IQSEC3: variants seen among roughly 807,000 people sequenced by gnomAD.
The protein encoded by IQSEC3 is IQ motif and SEC7 domain-containing protein 3.
Under a neutral mutation model 105.4 loss-of-function variants are expected in IQSEC3, and 50 were observed. The observed-to-expected ratio is 0.47, with a 90% CI of 0.38 to 0.60. IQSEC3 has a LOEUF of 0.60. Among genes scored for constraint, IQSEC3 ranks in the 20% least tolerant of loss-of-function variants. The pLI is 0.00. For synonymous variants in IQSEC3, 708 were observed against 746.0 expected (o/e 0.95, Z 0.83); for missense variants, 1,415 against 1,630.0 (o/e 0.87, Z 2.27).
rs571196859 is a variant in IQSEC3, at chr12:92,605, G to A, written c.555-6541G>A. ...CTCCTTTCTTTACTTCTCCAGCAGC[G>A]ATGGGGAGCAGCCGAGATCCGGGTC... On this transcript the variant is annotated intron_variant, in intron 1 of 13. Coordinates refer to ENST00000538872, the MANE Select transcript of IQSEC3 (RefSeq NM_001170738.2). Among the ~76,000 whole-genome samples the A allele has an allele frequency of 2.4e-3, 368 of 152,308 alleles. 2 individuals carry two copies. The highest frequency in any genetic ancestry group is 8.5e-3 in the African/African-American group (354 of 41,548).
At chr12:143,384 A>C (rs1261702657) in intron 5 of IQSEC3, 1 of 152,492 alleles carries the variant, frequency 6.6e-6, no homozygotes, top group African/African-American at 2.4e-5. Context: ...TTGGCAGGAC[A>C]CCTCTCTGGG....
In IQSEC3 at chr12:157,610, A is replaced by ATCC; in HGVS notation, c.2365_2367dup (p.Leu789dup). The ATCC allele has an allele frequency of 6.2e-7, 1 of 1,614,216 alleles. No individual in the cohort carries two copies. Among genetic ancestry groups the ATCC allele is most frequent in the Non-Finnish European group, 8.5e-7 (1 of 1,180,040 alleles). ...CATCTTCATCCTCGCCTTCGCCATC[A>ATCC]TCCTCCTCAACACCGACATGTACAG... On this transcript the variant is annotated inframe_insertion, in exon 7 of 14. Transcript: ENST00000538872.
chr12:178,249 CCT>C lies in IQSEC3; in HGVS notation c.*3217_*3218del, dbSNP rs770463917. 3.9e-5 allele frequency: 6 copies of C among 152,316 alleles called. No homozygotes were observed. The highest frequency in any genetic ancestry group is 9.6e-5 in the African/African-American group (4 of 41,552). The allele number at this position is 152,316 out of a possible 1,614,324, so 9.4% of individuals were successfully genotyped here. On this transcript the variant is annotated 3_prime_UTR_variant, in exon 14 of 14. Coordinates refer to ENST00000538872, the MANE Select transcript of IQSEC3 (RefSeq NM_001170738.2). ...CCTGATGACCATCTGTCTGTCCGTC[CCT>C]GTTTTTGCTGTACATAACTCCTGCT... is the stretch of plus-strand genomic sequence containing the variant.
chr12:115,742 T>C (rs1362754833), intron 2 of IQSEC3, among the ~76,000 whole-genome samples: 1 of 152,102 alleles, frequency 6.6e-6, no homozygotes, highest in Non-Finnish European at 1.5e-5. Context: ...AGCTAGTGAG[T>C]GGCGGGATTT....
intron 3 of IQSEC3, among the ~76,000 whole-genome samples, chr12:133,285 A>T (rs1865656396): frequency 6.6e-6 from 1 of 152,232 alleles, no homozygotes; most frequent in South Asian, 2.1e-4. Flanking sequence ...TACGGGGAAA[A>T]TTAAAACGTG....
At chr12:120,964 T>C (rs877477) in intron 2 of IQSEC3, among the ~76,000 whole-genome samples, 11,192 of 152,214 alleles carry the variant, frequency 0.074, 620 homozygotes, top group South Asian at 0.22. Context: ...ATACCAGCAG[T>C]GACCTCACGT....
Position 175,147 on chromosome 12 carries a change from C to A in IQSEC3, c.*114C>A. The A allele has an allele frequency of 1.2e-6, 1 of 857,602 alleles. No individual in the cohort carries two copies. Among genetic ancestry groups the A allele is most frequent in the Non-Finnish European group, 1.7e-6 (1 of 580,376 alleles). 53.1% of individuals were successfully genotyped at this position (857,602 alleles called of 1,614,324 possible). A position where few individuals can be genotyped will look rare whatever the true frequency, so the allele number is the denominator to read the frequency against. On this transcript the variant is annotated 3_prime_UTR_variant, in exon 14 of 14. Transcript: ENST00000538872. Reference sequence around the variant, plus strand: ...TGCGTTCCTGGTCACTGATCACCATCATTTTGGGAAGAGAATCCCAATCCC... The same window carrying A: ...TGCGTTCCTGGTCACTGATCACCATAATTTTGGGAAGAGAATCCCAATCCC...
intron 5 of IQSEC3, among the ~76,000 whole-genome samples, chr12:155,458 C>T (rs74055587): frequency 0.033 from 5,009 of 152,246 alleles, 185 homozygotes; most frequent in East Asian, 0.11. Flanking sequence ...GGAGAGACTC[C>T]CAGCTCCCTC....
chr12:157,217 G>A, intron 6 of IQSEC3, 70 bp downstream of exon 6: 2 of 1,453,942 alleles, frequency 1.4e-6, no homozygotes, highest in Middle Eastern at 2.0e-4. Flanking sequence ...TGTGAGCCTG[G>A]GAGACAGGAG....
intron 5 of IQSEC3, chr12:143,554 G>C (rs782482315): frequency 1.1e-4 from 18 of 159,398 alleles, no homozygotes; most frequent in Non-Finnish European, 2.4e-4. Flanking sequence ...GCAGCCCACA[G>C]GCCCCAGGGC....
At chr12:121,643 A>G (rs533040382) in intron 2 of IQSEC3, among the ~76,000 whole-genome samples, 3 of 152,156 alleles carry the variant, frequency 2.0e-5, no homozygotes, top group African/African-American at 7.2e-5. Context: ...GGCCATGGGG[A>G]ATAGTGGGAA....
In IQSEC3 at chr12:138,791, C is replaced by T. The variant is rs782024364; in HGVS notation, c.1428C>T (p.Ala476=). The T allele has an allele frequency of 5.6e-6, 9 of 1,604,356 alleles. No individual in the cohort carries two copies. The highest frequency in any genetic ancestry group is 7.6e-6 in the Non-Finnish European group (9 of 1,177,614). The change falls in exon 4 of 14, where the codon GCC becomes GCT. Residue 476 remains alanine (A), a synonymous_variant. Transcript: ENST00000538872. This position sits in a 1 kb window ranked among gnomAD's most constrained non-coding sequence, Gnocchi z 7.1. ...DAAETPGLPP[A]HSGTLMMAFR... is the part of the protein sequence containing the mutation. ...CGGAGACCCCCGGCCTGCCCCCGGC[C>T]CACAGCGGGACCCTCATGATGGCTT...
In IQSEC3 at chr12:176,156, C is replaced by T. The variant is rs928905889; in HGVS notation, c.*1123C>T. On this transcript the variant is annotated 3_prime_UTR_variant, in exon 14 of 14. Transcript: ENST00000538872. This position sits in a 1 kb window ranked among gnomAD's most constrained non-coding sequence, Gnocchi z 4.0. ...CCTCCTAGAAGGTTCTAGACCCCCCCCTTCCAGCAGGGGTGCCCAAGAGTC... is the reference window on the plus strand; with the variant it reads ...CCTCCTAGAAGGTTCTAGACCCCCCTCTTCCAGCAGGGGTGCCCAAGAGTC... 1 of 152,204 alleles carries T rather than the reference C, an allele frequency of 6.6e-6. No homozygotes were observed. Among genetic ancestry groups the T allele is most frequent in the Non-Finnish European group, 1.5e-5 (1 of 68,056 alleles). 9.4% of individuals were successfully genotyped at this position (152,204 alleles called of 1,614,324 possible). A position where few individuals can be genotyped will look rare whatever the true frequency, so the allele number is the denominator to read the frequency against.
At chr12:107,775 G>A (rs559615854) in intron 2 of IQSEC3, among the ~76,000 whole-genome samples, 1 of 152,128 alleles carries the variant, frequency 6.6e-6, no homozygotes, top group Non-Finnish European at 1.5e-5. Context: ...CCACACACTT[G>A]TTTAACAAGG....
chr12:160,176 GTTTT>G (rs34294220), intron 7 of IQSEC3, among the ~76,000 whole-genome samples: 1 of 148,500 alleles, frequency 6.7e-6, no homozygotes, highest in Non-Finnish European at 1.5e-5. Flanking sequence ...CCTTTTTTCT[GTTTT>G]TTTTTTCCCC....
At chr12:74,023 A>G (rs1407209543) in intron 1 of IQSEC3, among the ~76,000 whole-genome samples, 1 of 152,252 alleles carries the variant, frequency 6.6e-6, no homozygotes, top group Non-Finnish European at 1.5e-5. Context: ...GATCTGAGTT[A>G]TCACCCGATG....
At chr12:146,539 G>A (rs1866279341) in intron 5 of IQSEC3, among the ~76,000 whole-genome samples, 2 of 152,122 alleles carry the variant, frequency 1.3e-5, no homozygotes, top group South Asian at 2.1e-4. Flanking sequence ...CCAGCTACTC[G>A]GGAGGCCAAG....
chr12:82,714 A>T (rs1324615638), intron 1 of IQSEC3, among the ~76,000 whole-genome samples: 1 of 152,202 alleles, frequency 6.6e-6, no homozygotes, highest in African/African-American at 2.4e-5. Context: ...ATGTGTCCTA[A>T]TAACACCTTC....
At chr12:154,481 A>T (rs1866616347) in intron 5 of IQSEC3, among the ~76,000 whole-genome samples, 1 of 152,082 alleles carries the variant, frequency 6.6e-6, no homozygotes, top group Admixed American at 6.5e-5. Context: ...GCGTTCAGAA[A>T]CAGGGAAGGG....
Sources: gnomAD v4.1 joint callset for allele counts (sites outside exome capture counted in the v4.1 genomes callset) on GRCh38, gnomAD v4.1.1 for gene constraint, Gnocchi (gnomAD v3.1) non-coding constraint, MANE v1.5 for transcripts, NCBI Gene and HGNC (gene_info 2026-07-23, HGNC 2026-07-21) for gene names.